The following ALPK3 variants were observed in gnomAD, a reference collection of about 807,000 sequenced individuals.
ALPK3 encodes alpha kinase 3, also known as alpha-protein kinase 3.
Under a neutral mutation model 140.0 loss-of-function variants are expected in ALPK3, and 102 were observed. The ratio of observed to expected loss-of-function variants is 0.73; its 90% CI spans 0.62 to 0.86. ALPK3 has a LOEUF of 0.86. Among genes scored for constraint, ALPK3 ranks in the 40% least tolerant of loss-of-function variants. The pLI, the probability that ALPK3 is intolerant of heterozygous loss-of-function variation, is 0.00. For missense variants in ALPK3, 2,254 were observed against 2,208.2 expected, an observed-to-expected ratio of 1.02 and a Z score of -0.42; for synonymous variants, 938 against 898.5, an observed-to-expected ratio of 1.04 and a Z score of -0.79.
chr15:84,861,565 GT>G (rs935573329), intron 9 of ALPK3, among the ~76,000 whole-genome samples: 1 of 152,124 alleles, frequency 6.6e-6, no homozygotes, highest in Non-Finnish European at 1.5e-5. Context: ...TTATCTAGGG[GT>G]TTTGGCAGTC....
chr15:84,841,494 T>C (rs1221585969), intron 5 of ALPK3, among the ~76,000 whole-genome samples: 1 of 152,222 alleles, frequency 6.6e-6, no homozygotes, highest in Non-Finnish European at 1.5e-5. Flanking sequence ...AGAATAATCA[T>C]AACAATACCT....
chr15:84,856,811 C>T lies in ALPK3; in HGVS notation c.2073C>T (p.Gly691=). The change falls in exon 6 of 14, where the codon GGC becomes GGT. Residue 691 remains glycine, a synonymous_variant. Coordinates refer to ENST00000258888, the MANE Select transcript of ALPK3 (RefSeq NM_020778.5). ...QEDRKAQADK[G]TQEDRRMQGE... ...ACAGGAAGGCCCAGGCAGATAAGGGCACACAGGAAGACAGAAGGATGCAGG... is the reference window on the plus strand; with the variant it reads ...ACAGGAAGGCCCAGGCAGATAAGGGTACACAGGAAGACAGAAGGATGCAGG... 1 of 1,613,996 alleles carries T rather than the reference C, an allele frequency of 6.2e-7. No homozygotes were observed. The highest frequency in any genetic ancestry group is 8.5e-7 in the Non-Finnish European group (1 of 1,180,002).
chr15:84,827,693 C>T (rs538548064), intron 3 of ALPK3, 88 bp downstream of exon 3: 21 of 1,549,206 alleles, frequency 1.4e-5, no homozygotes, highest in Admixed American at 7.1e-5. Context: ...GGTGGGGTGG[C>T]GGGCTGTGTG....
rs778556241 is a variant in ALPK3 at position 84,860,013 on chromosome 15, G to T, written c.4094-24G>T. On this transcript the variant is annotated intron_variant, in intron 8 of 13. Transcript: ENST00000258888. The stretch of plus-strand genomic sequence containing the variant: ...CTTGGCACAGCAGCCTGAAGGCACT[G>T]CTTTCTTCTTTTTCTGTATCTAGTG... The T allele has an allele frequency of 1.9e-6, 3 of 1,614,114 alleles. No individual in the cohort carries two copies. The Admixed American group carries it at 5.0e-5, about 27-fold the overall frequency.
In ALPK3 at chr15:84,861,086, A is replaced by G. The variant is rs976395236; in HGVS notation, c.4129+1014A>G. On this transcript the variant is annotated intron_variant, in intron 9 of 13. Transcript: ENST00000258888. ...AGTAATAATTATTTAATATCATCAAACATCCAGTCAGATTTCCCCAACTGT... is the reference window on the plus strand; with the variant it reads ...AGTAATAATTATTTAATATCATCAAGCATCCAGTCAGATTTCCCCAACTGT... Among the ~76,000 whole-genome samples the G allele has an allele frequency of 3.8e-4, 58 of 152,326 alleles. 1 individual carries two copies. The highest frequency in any genetic ancestry group is 1.3e-3 in the African/African-American group (56 of 41,560).
At chr15:84,839,247 T>C in intron 4 of ALPK3, 150 bp downstream of exon 4, 1 of 688,124 alleles carries the variant, frequency 1.5e-6, no homozygotes, top group East Asian at 2.7e-5. Flanking sequence ...TTGAACCACC[T>C]GGTGAACCAC....
chr15:84,867,581 C>T (rs1964015766), intron 13 of ALPK3, among the ~76,000 whole-genome samples: 1 of 152,044 alleles, frequency 6.6e-6, no homozygotes, highest in African/African-American at 2.4e-5. Flanking sequence ...CACATGGGGT[C>T]CCCTGCAATC....
chr15:84,863,744 C>A, intron 11 of ALPK3, 104 bp downstream of exon 11: 1 of 1,136,734 alleles, frequency 8.8e-7, no homozygotes, highest in Non-Finnish European at 1.2e-6. Context: ...GCGTTATGCC[C>A]ATGTGCAAAT....
At chr15:84,830,738 C>T (rs569974090) in intron 3 of ALPK3, among the ~76,000 whole-genome samples, 1 of 152,322 alleles carries the variant, frequency 6.6e-6, no homozygotes, top group South Asian at 2.1e-4. Context: ...TCCTCTGTCA[C>T]CCCGGCTGGA....
At chr15:84,854,133 T>C (rs1038991185) in intron 5 of ALPK3, among the ~76,000 whole-genome samples, 5 of 151,976 alleles carry the variant, frequency 3.3e-5, no homozygotes, top group Non-Finnish European at 7.4e-5. Flanking sequence ...TCTTATTCCT[T>C]TGATTTTGTG....
At chr15:84,828,775 T>G (rs1963515792) in intron 3 of ALPK3, among the ~76,000 whole-genome samples, 1 of 152,214 alleles carries the variant, frequency 6.6e-6, no homozygotes, top group South Asian at 2.1e-4. Context: ...AGTGCTATTT[T>G]TAGTCAAATT....
rs538611406 is a variant in ALPK3 at position 84,822,447 on chromosome 15, C to T, written c.144-883C>T. ...GACATAGACCGTGAGCACCATTGAA[C>T]AGGCTGGGCTGCTGGGAAGGAAGGG... On this transcript the variant is annotated intron_variant, in intron 1 of 13. Transcript: ENST00000258888. Among the ~76,000 whole-genome samples, 5 of 152,256 alleles carry T rather than the reference C, an allele frequency of 3.3e-5. No individual in the cohort carries two copies. In the South Asian group the frequency reaches 8.3e-4, roughly 25 times the overall value.
In ALPK3 at chr15:84,870,496, A is replaced by G. The variant is rs1013791526; in HGVS notation, c.*2040A>G. On this transcript the variant is annotated 3_prime_UTR_variant, in exon 14 of 14. Transcript: ENST00000258888. ...TTGTTAGGATTCTTGAGTTTTGACC[A>G]ACAGAAATGAACTTGGACCAACTTA... is the stretch of plus-strand genomic sequence containing the variant. 6.6e-6 allele frequency: 1 copy of G among 152,240 alleles called. No homozygotes were observed. Among genetic ancestry groups the G allele is most frequent in the Non-Finnish European group, 1.5e-5 (1 of 68,046 alleles). 9.4% of individuals were successfully genotyped at this position (152,240 alleles called of 1,614,324 possible). A position where few individuals can be genotyped will look rare whatever the true frequency, so the allele number is the denominator to read the frequency against.
intron 3 of ALPK3, among the ~76,000 whole-genome samples, chr15:84,829,219 C>T (rs556509053): frequency 1.7e-4 from 26 of 152,246 alleles, no homozygotes; most frequent in African/African-American, 6.0e-4. Flanking sequence ...TTTAGATGTT[C>T]TCTATTGTCT....
intron 11 of ALPK3, 42 bp downstream of exon 11, chr15:84,863,682 TG>T (rs756639617): frequency 6.4e-6 from 10 of 1,572,496 alleles, no homozygotes; most frequent in Non-Finnish European, 8.7e-6. Context: ...GCAGCACTGT[TG>T]CCTTGGGCTT....
chr15:84,857,489 G>T lies in ALPK3; in HGVS notation c.2751G>T (p.Gly917=), dbSNP rs775821406. 1 of 1,605,224 alleles carries T rather than the reference G, an allele frequency of 6.2e-7. No homozygotes were observed. Among genetic ancestry groups the T allele is most frequent in the African/African-American group, 1.3e-5 (1 of 74,818 alleles). ...SSAPTLHLGL[G]TPTQSHPPET... ...CCCCAACACTGCACCTGGGGCTGGG[G>T]ACCCCCACTCAGAGTCACCCACCAG... The change falls in exon 6 of 14, where the codon GGG becomes GGT. Residue 917 remains glycine, a synonymous_variant. Coordinates refer to ENST00000258888, the MANE Select transcript of ALPK3 (RefSeq NM_020778.5).
At position 84,859,301 on chromosome 15, in the gene ALPK3, G is replaced by A. The variant is rs765812639; in HGVS notation, c.3876G>A (p.Leu1292=). The change falls in exon 7 of 14, where the codon CTG becomes CTA. Residue 1292 remains leucine, a synonymous_variant. Transcript: ENST00000258888. The stretch of plus-strand genomic sequence containing the variant: ...AGTTTCCTGATGCCTCCGGTAGCCT[G>A]AAGCTGTGGTGCCAGTTTTTCAACA... ...VEQFPDASGS[L]KLWCQFFNIL... 6.2e-7 allele frequency: 1 copy of A among 1,614,170 alleles called. No homozygotes were observed. The highest frequency in any genetic ancestry group is 1.7e-5 in the Admixed American group (1 of 60,030).
At chr15:84,854,031 G>A (rs762900940) in intron 5 of ALPK3, among the ~76,000 whole-genome samples, 7 of 151,764 alleles carry the variant, frequency 4.6e-5, no homozygotes, top group Non-Finnish European at 1.0e-4. Context: ...TTGAAAAACA[G>A]AAAATTCCTA....
At chr15:84,846,828 G>A (rs150113580) in intron 5 of ALPK3, among the ~76,000 whole-genome samples, 136 of 152,272 alleles carry the variant, frequency 8.9e-4, no homozygotes, top group African/African-American at 3.2e-3. Flanking sequence ...GCAGTGGCAT[G>A]ATCTCGGTTC....
Sources: gnomAD v4.1 joint callset for allele counts (sites outside exome capture counted in the v4.1 genomes callset) on GRCh38, gnomAD v4.1.1 for gene constraint, MANE v1.5 for transcripts, NCBI Gene and HGNC (gene_info 2026-07-23, HGNC 2026-07-21) for gene names.